The following SAMD12 variants were observed in gnomAD, a reference collection of about 807,000 sequenced individuals.
The protein encoded by SAMD12 is sterile alpha motif domain containing 12, also known as sterile alpha motif domain-containing protein 12.
A neutral mutation model predicts 15.0 loss-of-function variants in SAMD12; 9 were observed. The ratio of observed to expected loss-of-function variants is 0.60; its 90% confidence interval spans 0.36 to 1.05. The LOEUF is 1.05. SAMD12 is among the 50% of genes least tolerant of loss of function. SAMD12 has a pLI of 0.01. For missense variants in SAMD12, 230 were observed against 234.2 expected, an observed-to-expected ratio of 0.98 and a Z score of 0.12; for synonymous variants, 86 against 90.1, an observed-to-expected ratio of 0.96 and a Z score of 0.25.
chr8:118,427,584 C>T (rs1287639014), intron 3 of SAMD12, among the ~76,000 whole-genome samples: 4 of 150,730 alleles, frequency 2.7e-5, no homozygotes, highest in African/African-American at 9.7e-5. Flanking sequence ...CGTGTTTCAC[C>T]GAGCACAATG....
At chr8:118,557,811 AT>A (rs1826586070) in intron 2 of SAMD12, among the ~76,000 whole-genome samples, 1 of 152,162 alleles carries the variant, frequency 6.6e-6, no homozygotes, top group Non-Finnish European at 1.5e-5. Context: ...TTGTTTATAA[AT>A]TTTAGCATGT....
chr8:118,523,904 T>C (rs1056669380), intron 2 of SAMD12, among the ~76,000 whole-genome samples: 2 of 152,106 alleles, frequency 1.3e-5, no homozygotes, highest in Non-Finnish European at 2.9e-5. Context: ...ACCCACTTAC[T>C]CTGCCTTTTC....
At chr8:118,204,947 C>T (rs925365744) in intron 4 of SAMD12, among the ~76,000 whole-genome samples, 3 of 152,054 alleles carry the variant, frequency 2.0e-5, no homozygotes, top group African/African-American at 4.8e-5. Context: ...CTTGATTGGG[C>T]CACTGGGTGT....
intron 4 of SAMD12, among the ~76,000 whole-genome samples, chr8:118,242,378 T>A (rs528070894): frequency 6.6e-5 from 10 of 152,230 alleles, no homozygotes; most frequent in Non-Finnish European, 1.5e-4. Context: ...CAGTAGTTAG[T>A]CTCCCATTAT....
At chr8:118,444,288 C>G (rs1361009780) in intron 2 of SAMD12, among the ~76,000 whole-genome samples, 1 of 151,814 alleles carries the variant, frequency 6.6e-6, no homozygotes, top group Admixed American at 6.6e-5. Flanking sequence ...AATTTACAAC[C>G]CTGGAGACAA....
exon 5 of SAMD12, chr8:118,196,898 C>A (rs562166425): frequency 6.6e-6 from 1 of 152,144 alleles, no homozygotes; most frequent in African/African-American, 2.4e-5. Context: ...AACAAAGAAG[C>A]AAGCTAAGAT....
intron 4 of SAMD12, among the ~76,000 whole-genome samples, chr8:118,214,051 T>G (rs1811900221): frequency 6.6e-6 from 1 of 152,208 alleles, no homozygotes; most frequent in Non-Finnish European, 1.5e-5. Flanking sequence ...TTGATGCAAA[T>G]ATACTTGTGA....
intron 1 of SAMD12, among the ~76,000 whole-genome samples, chr8:118,590,494 T>C (rs1827561895): frequency 6.6e-6 from 1 of 152,228 alleles, no homozygotes; most frequent in Non-Finnish European, 1.5e-5. Context: ...TGCGATTGTG[T>C]CAGAGGAAGT....
At chr8:118,612,783 T>C (rs1221110524) in intron 1 of SAMD12, among the ~76,000 whole-genome samples, 2 of 152,244 alleles carry the variant, frequency 1.3e-5, no homozygotes, top group Non-Finnish European at 2.9e-5. Context: ...GGTTTACTCA[T>C]GATTACCAAT....
At chr8:118,352,729 A>C (rs1818016293) in intron 4 of SAMD12, among the ~76,000 whole-genome samples, 1 of 152,244 alleles carries the variant, frequency 6.6e-6, no homozygotes, top group Non-Finnish European at 1.5e-5. Context: ...TTCTCAAAGG[A>C]ATATTTTTAA....
intron 2 of SAMD12, among the ~76,000 whole-genome samples, chr8:118,543,348 C>T (rs1826035512): frequency 6.6e-6 from 1 of 152,224 alleles, no homozygotes; most frequent in Non-Finnish European, 1.5e-5. Flanking sequence ...ACTGGTCACT[C>T]ATTCCGAGTC....
At chr8:118,541,549 G>C (rs530195812) in intron 2 of SAMD12, among the ~76,000 whole-genome samples, 2 of 152,314 alleles carry the variant, frequency 1.3e-5, no homozygotes, top group South Asian at 4.1e-4. Context: ...ATTGTAGACA[G>C]TAGGTAAGTG....
chr8:118,533,292 A>G (rs200755118), intron 2 of SAMD12, among the ~76,000 whole-genome samples: 24 of 152,260 alleles, frequency 1.6e-4, no homozygotes, highest in Middle Eastern at 3.4e-3. Context: ...TGATTGCACT[A>G]TGGTCTGAGA....
intron 4 of SAMD12, among the ~76,000 whole-genome samples, chr8:118,372,919 A>G (rs530135409): frequency 7.9e-5 from 12 of 152,268 alleles, no homozygotes; most frequent in African/African-American, 1.4e-4. Context: ...GTCAGACACT[A>G]TGACTCCATT....
At chr8:118,468,076 A>C (rs1273357972) in intron 2 of SAMD12, among the ~76,000 whole-genome samples, 1 of 152,202 alleles carries the variant, frequency 6.6e-6, no homozygotes, top group Non-Finnish European at 1.5e-5. Context: ...GCACGTAACA[A>C]GATAGTCTGT....
chr8:118,399,284 T>TA, intron 3 of SAMD12, among the ~76,000 whole-genome samples: 1 of 151,632 alleles, frequency 6.6e-6, no homozygotes, highest in Admixed American at 6.6e-5. Context: ...AGAGTTCAGA[T>TA]AACTTAGGCT....
At chr8:118,264,429 G>T (rs1391008739) in intron 4 of SAMD12, among the ~76,000 whole-genome samples, 1 of 152,070 alleles carries the variant, frequency 6.6e-6, no homozygotes, top group Non-Finnish European at 1.5e-5. Context: ...AGACAAAATT[G>T]TTTTTCTAGA....
intron 2 of SAMD12, among the ~76,000 whole-genome samples, chr8:118,454,757 C>A (rs1823195573): frequency 6.6e-6 from 1 of 152,174 alleles, no homozygotes; most frequent in Non-Finnish European, 1.5e-5. Context: ...TTCTGCAAAA[C>A]TGGGACTCTG....
intron 4 of SAMD12, among the ~76,000 whole-genome samples, chr8:118,364,748 G>T (rs946350004): frequency 6.6e-6 from 1 of 152,114 alleles, no homozygotes; most frequent in Non-Finnish European, 1.5e-5. Context: ...TCATGAATTT[G>T]GGGGAGGAGA....
Sources: gnomAD v4.1 joint callset for allele counts (sites outside exome capture counted in the v4.1 genomes callset) on GRCh38, gnomAD v4.1.1 for gene constraint, MANE v1.5 for transcripts, NCBI Gene and HGNC (gene_info 2026-07-23, HGNC 2026-07-21) for gene names.